Variants in COL28A1 observed in about 807,000 individuals in gnomAD.
The protein encoded by COL28A1 is collagen alpha-1(XXVIII) chain.
A neutral mutation model predicts 150.2 loss-of-function variants in COL28A1; 161 were observed. The ratio of observed to expected loss-of-function variants is 1.07; its 90% CI spans 0.94 to 1.22. The LOEUF is 1.22. Among genes scored for constraint, COL28A1 ranks in the 50% most tolerant of loss-of-function variants. The pLI is 0.00. For synonymous variants in COL28A1, 552 were observed against 469.7 expected, an observed-to-expected ratio of 1.18 and a Z score of -2.26; for missense variants, 1,617 against 1,388.3, an observed-to-expected ratio of 1.16 and a Z score of -2.62.
At position 7,403,841 on chromosome 7, in the gene COL28A1, T is replaced by C. The variant is rs538147033; in HGVS notation, c.2136+14018A>G. Reference sequence around the variant, plus strand: ...GGGTAGATTTGCAATTAGATTTATATACCTGGCATCAATTTTGTCATAATA... The same window carrying C: ...GGGTAGATTTGCAATTAGATTTATACACCTGGCATCAATTTTGTCATAATA... On this transcript the variant is annotated intron_variant, in intron 27 of 34. Transcript: ENST00000399429. Among the ~76,000 whole-genome samples, 19 of 152,328 alleles carry C rather than the reference T, an allele frequency of 1.2e-4. No homozygotes were observed. The East Asian group carries it at 3.7e-3, about 29-fold the overall frequency.
At chr7:7,495,691 C>G (rs936726875) in intron 11 of COL28A1, among the ~76,000 whole-genome samples, 3 of 152,094 alleles carry the variant, frequency 2.0e-5, no homozygotes, top group African/African-American at 7.2e-5. Flanking sequence ...CAAATCCATC[C>G]ACTTCAGTCC....
chr7:7,471,111 T>TAAAA (rs1234212727), intron 15 of COL28A1, among the ~76,000 whole-genome samples: 1 of 46,832 alleles, frequency 2.1e-5, no homozygotes, highest in Non-Finnish European at 4.5e-5. Context: ...TAGAGTATAA[T>TAAAA]AAAAAAAAAT....
chr7:7,341,320 AATT>A, the COL28A1 span, among the ~76,000 whole-genome samples: 6 of 151,940 alleles, frequency 3.9e-5, no homozygotes, highest in Non-Finnish European at 7.4e-5. Flanking sequence ...TATTTCATTG[AATT>A]ATGTTATTTT....
At chr7:7,368,875 C>T (rs1781076094) in intron 33 of COL28A1, among the ~76,000 whole-genome samples, 1 of 152,200 alleles carries the variant, frequency 6.6e-6, no homozygotes. Flanking sequence ...AAATTAATTG[C>T]ATCATCTCTG....
intron 18 of COL28A1, among the ~76,000 whole-genome samples, chr7:7,445,403 T>C (rs1206128699): frequency 1.3e-5 from 2 of 152,126 alleles, no homozygotes; most frequent in East Asian, 3.9e-4. Context: ...TTACAGGTTT[T>C]GGAAGAAGCA....
At chr7:7,540,874 G>C in the COL28A1 span, among the ~76,000 whole-genome samples, 1 of 151,212 alleles carries the variant, frequency 6.6e-6, no homozygotes, top group African/African-American at 2.4e-5. Flanking sequence ...AGGTTTATCT[G>C]AGTAGCTGGG....
intron 13 of COL28A1, among the ~76,000 whole-genome samples, chr7:7,481,810 G>A (rs2080467611): frequency 6.6e-6 from 1 of 151,994 alleles, no homozygotes. Context: ...AATAGTAACT[G>A]TCCATTATCT....
intron 33 of COL28A1, among the ~76,000 whole-genome samples, chr7:7,367,474 C>T (rs1330891558): frequency 6.6e-6 from 1 of 152,176 alleles, no homozygotes; most frequent in Non-Finnish European, 1.5e-5. Context: ...ACAAGAGGCA[C>T]TATCCGAGAA....
At position 7,416,882 on chromosome 7, in the gene COL28A1, T is replaced by G. The variant is rs185628878; in HGVS notation, c.2136+977A>C. On this transcript the variant is annotated intron_variant, in intron 27 of 34. Transcript: ENST00000399429. ...TAAGCTCCTACTGTCTCCTACTGACTAAGAAGTTCTGCTATTTGAAAAGGA... is the reference window on the plus strand; with the variant it reads ...TAAGCTCCTACTGTCTCCTACTGACGAAGAAGTTCTGCTATTTGAAAAGGA... 3.3e-5 allele frequency among the ~76,000 whole-genome samples: 5 copies of G among 152,302 alleles called. No homozygotes were observed. The East Asian group carries it at 9.6e-4, about 29-fold the overall frequency.
upstream of COL28A1, among the ~76,000 whole-genome samples, chr7:7,539,212 C>T (rs540131650): frequency 6.6e-6 from 1 of 152,172 alleles, no homozygotes; most frequent in Non-Finnish European, 1.5e-5. Flanking sequence ...ATTTGGCTTA[C>T]AATTCTGCAG....
chr7:7,419,465 C>T (rs905376718), intron 26 of COL28A1, among the ~76,000 whole-genome samples: 1 of 152,162 alleles, frequency 6.6e-6, no homozygotes, highest in African/African-American at 2.4e-5. Context: ...CTCATCTTCT[C>T]CAGGGACAAT....
At chr7:7,384,499 TTCACA>T (rs1418438732) in intron 27 of COL28A1, among the ~76,000 whole-genome samples, 1 of 152,218 alleles carries the variant, frequency 6.6e-6, no homozygotes, top group Non-Finnish European at 1.5e-5. Flanking sequence ...AGAGACCACA[TTCACA>T]TAACTTTGAT....
At chr7:7,484,637 AG>A (rs144253631) in intron 13 of COL28A1, among the ~76,000 whole-genome samples, 6,346 of 152,274 alleles carry the variant, frequency 0.042, 202 homozygotes, top group South Asian at 0.076. Context: ...TTGAAGTAAA[AG>A]TGTCATATGG....
intron 3 of COL28A1, among the ~76,000 whole-genome samples, chr7:7,525,441 A>T (rs1185019052): frequency 6.6e-6 from 1 of 152,232 alleles, no homozygotes; most frequent in Non-Finnish European, 1.5e-5. Flanking sequence ...GAAAGAAACT[A>T]ATCTATGTTT....
chr7:7,445,459 G>A (rs902555491), intron 18 of COL28A1, among the ~76,000 whole-genome samples: 2 of 152,154 alleles, frequency 1.3e-5, no homozygotes, highest in Non-Finnish European at 2.9e-5. Flanking sequence ...AGAACTGAGA[G>A]ACAATAAATT....
intron 33 of COL28A1, among the ~76,000 whole-genome samples, chr7:7,367,502 G>A (rs1290845969): frequency 6.6e-6 from 1 of 152,152 alleles, no homozygotes; most frequent in East Asian, 1.9e-4. Flanking sequence ...TTCATTGCAA[G>A]GTCCCACTAT....
In COL28A1 at chr7:7,373,648, A is replaced by G. The variant is rs967887235; in HGVS notation, c.2360-102T>C. On this transcript the variant is annotated intron_variant, in intron 31 of 34. Transcript: ENST00000399429. This position sits in a 1 kb window ranked among gnomAD's most constrained non-coding sequence, Gnocchi z 4.1. ...CAATGATGAACCTGAGACCTAAACT[A>G]TTCTCTTCCTTTTCTGTGATTGTGA... 1.2e-6 allele frequency: 1 copy of G among 858,200 alleles called. No homozygotes were observed. The allele number at this position is 858,200 out of a possible 1,614,324, so 53.2% of individuals were successfully genotyped here.
chr7:7,381,797 T>C (rs1238639536), intron 27 of COL28A1, among the ~76,000 whole-genome samples, 185 bp from the exon 28 acceptor site: 1 of 152,180 alleles, frequency 6.6e-6, no homozygotes, highest in Non-Finnish European at 1.5e-5. Flanking sequence ...CTCAATGGTT[T>C]GCTAGTAAGT....
chr7:7,509,182 G>C (rs192198612), intron 9 of COL28A1, among the ~76,000 whole-genome samples: 178 of 151,780 alleles, frequency 1.2e-3, no homozygotes, highest in African/African-American at 3.9e-3. Context: ...CCAAACTGGA[G>C]TAGAGTGGCA....
Sources: allele counts gnomAD v4.1 joint callset (sites outside exome capture counted in the v4.1 genomes callset), GRCh38; gene constraint gnomAD v4.1.1; non-coding constraint Gnocchi (gnomAD v3.1); transcripts MANE v1.5; gene names NCBI Gene and HGNC (gene_info 2026-07-23, HGNC 2026-07-21).